The following CDH18 variants were observed in gnomAD, a reference collection of about 807,000 sequenced individuals.
CDH18 encodes the protein cadherin 18, also known as cadherin-18.
CDH18 carries 31 observed loss-of-function variants against 67.9 expected under a neutral mutation model. The observed-to-expected ratio is 0.46, with a 90% CI of 0.34 to 0.62. The LOEUF (loss-of-function observed/expected upper bound fraction) is 0.62, where lower values mean the gene tolerates loss of function less well. Among genes scored for constraint, CDH18 ranks in the 20% least tolerant of loss-of-function variants. The probability of loss-of-function intolerance (pLI) is 0.01; values close to 1 mark genes in which losing one functional copy is unlikely to be tolerated. For synonymous variants in CDH18, 362 were observed against 347.2 expected (o/e 1.04, Z -0.48); for missense variants, 890 against 975.5 (o/e 0.91, Z 1.17).
intron 2 of CDH18, among the ~76,000 whole-genome samples, chr5:19,861,633 A>G (rs1386240357): frequency 1.3e-5 from 2 of 152,082 alleles, no homozygotes; most frequent in Non-Finnish European, 2.9e-5. Flanking sequence ...AGATAATGAG[A>G]AGGGTCAGAT....
At chr5:20,347,303 C>G (rs186671730) in intron 1 of CDH18, among the ~76,000 whole-genome samples, 1 of 152,274 alleles carries the variant, frequency 6.6e-6, no homozygotes, top group Admixed American at 6.5e-5. Context: ...CCGAGGCCTG[C>G]TAGACCACCC....
At position 19,994,732 on chromosome 5, in the gene CDH18, TATATATAGAGAGAGAGAG is replaced by T. The variant is rs1237649074; in HGVS notation, c.-517-2736_-517-2719del. Among the ~76,000 whole-genome samples, 35 of 12,506 alleles carry T rather than the reference TATATATAGAGAGAGAGAG, an allele frequency of 2.8e-3. 1 individual carries two copies. The highest frequency in any genetic ancestry group is 4.7e-3 in the African/African-American group (14 of 2,956). The allele number at this position is 12,506 out of a possible 152,430, so 8.2% of individuals were successfully genotyped here. On this transcript the variant is annotated intron_variant, in intron 2 of 14. Coordinates refer to the CDH18 transcript ENST00000507958. ...ATATATATATATATATATATATATA[TATATATAGAGAGAGAGAG>T]AGAGAGAGAGAGAGAGAGAGAGAGA...
intron 2 of CDH18, among the ~76,000 whole-genome samples, chr5:20,189,036 C>G (rs1221917241): frequency 6.6e-6 from 1 of 151,930 alleles, no homozygotes; most frequent in Admixed American, 6.6e-5. Flanking sequence ...ATGGCAATCC[C>G]CCAGATTAAT....
chr5:20,284,634 A>G (rs1746544678), intron 1 of CDH18, among the ~76,000 whole-genome samples: 3 of 151,922 alleles, frequency 2.0e-5, no homozygotes, highest in African/African-American at 7.2e-5. Flanking sequence ...CCTGCACCTA[A>G]AACACTTAGT....
At chr5:19,803,301 C>T (rs186422397) in intron 3 of CDH18, among the ~76,000 whole-genome samples, 21 of 152,310 alleles carry the variant, frequency 1.4e-4, no homozygotes, top group African/African-American at 5.1e-4. Flanking sequence ...GTGACCTTTA[C>T]AGACTCATCG....
In CDH18 at chr5:20,428,082, C is replaced by T. The variant is rs116362597; in HGVS notation, c.-580+147380G>A. ...CGTGCATTAGGTACTTGTCCTAATGCTCTCCCTCTCCTTTTCCCCCACCCA... is the reference window on the plus strand; with the variant it reads ...CGTGCATTAGGTACTTGTCCTAATGTTCTCCCTCTCCTTTTCCCCCACCCA... On this transcript the variant is annotated intron_variant, in intron 1 of 14. Transcript: ENST00000507958. Among the ~76,000 whole-genome samples the T allele has an allele frequency of 7.6e-3, 1,141 of 150,898 alleles. 89 individuals are homozygous for T. Among genetic ancestry groups the T allele is most frequent in the African/African-American group, 0.027 (1,079 of 40,308 alleles).
At chr5:19,556,282 A>C (rs1358340143) in intron 8 of CDH18, among the ~76,000 whole-genome samples, 1 of 152,202 alleles carries the variant, frequency 6.6e-6, no homozygotes, top group Non-Finnish European at 1.5e-5. Flanking sequence ...AAATCTCTGA[A>C]TTGCCAGAAA....
chr5:19,613,164 A>G (rs2150113844), intron 5 of CDH18, among the ~76,000 whole-genome samples: 1 of 151,974 alleles, frequency 6.6e-6, no homozygotes, highest in Non-Finnish European at 1.5e-5. Flanking sequence ...TAATAATAAT[A>G]AGTACATGGT....
chr5:20,399,471 A>T (rs1036842939), intron 1 of CDH18, among the ~76,000 whole-genome samples: 4 of 152,172 alleles, frequency 2.6e-5, no homozygotes, highest in Non-Finnish European at 5.9e-5. Context: ...CAGACACACT[A>T]CTTTTAGGAG....
intron 3 of CDH18, among the ~76,000 whole-genome samples, chr5:19,834,486 C>A (rs910330254): frequency 1.3e-5 from 2 of 151,708 alleles, no homozygotes; most frequent in Non-Finnish European, 2.9e-5. Flanking sequence ...CTCCTGGATT[C>A]ACTGATTTTT....
At chr5:19,509,339 A>G (rs187071560) in intron 10 of CDH18, among the ~76,000 whole-genome samples, 1 of 152,258 alleles carries the variant, frequency 6.6e-6, no homozygotes, top group Admixed American at 6.6e-5. Context: ...CCTGTTGGGC[A>G]CAATGTTCAC....
At chr5:19,807,785 A>T (rs1778187144) in intron 3 of CDH18, among the ~76,000 whole-genome samples, 1 of 152,156 alleles carries the variant, frequency 6.6e-6, no homozygotes, top group Non-Finnish European at 1.5e-5. Context: ...TTCTTCCCTC[A>T]TCCTCCATCT....
chr5:20,195,153 C>T (rs1477430603), intron 2 of CDH18, among the ~76,000 whole-genome samples: 1 of 151,972 alleles, frequency 6.6e-6, no homozygotes, highest in Non-Finnish European at 1.5e-5. Flanking sequence ...TGTGTGTACC[C>T]AATTATCATC....
intron 5 of CDH18, among the ~76,000 whole-genome samples, chr5:19,637,014 A>C (rs1352628410): frequency 6.6e-6 from 1 of 152,180 alleles, no homozygotes; most frequent in African/African-American, 2.4e-5. Flanking sequence ...AATTGAATCC[A>C]AACTATCTGT....
At chr5:20,012,680 G>C (rs561979867) in intron 2 of CDH18, among the ~76,000 whole-genome samples, 1 of 151,986 alleles carries the variant, frequency 6.6e-6, no homozygotes, top group Non-Finnish European at 1.5e-5. Flanking sequence ...TAGACTGGAT[G>C]AAGAAAATGT....
intron 1 of CDH18, among the ~76,000 whole-genome samples, chr5:20,468,456 ATGT>A (rs1751821659): frequency 6.6e-6 from 1 of 152,158 alleles, no homozygotes; most frequent in Non-Finnish European, 1.5e-5. Flanking sequence ...GTATATCATG[ATGT>A]TTTCTTTCTC....
intron 1 of CDH18, among the ~76,000 whole-genome samples, chr5:20,419,184 A>C (rs865958367): frequency 3.3e-5 from 5 of 152,042 alleles, no homozygotes; most frequent in African/African-American, 7.2e-5. Context: ...TTTGCTTCTC[A>C]ATTTTTTTCT....
chr5:20,285,900 G>C (rs1052611684), intron 1 of CDH18, among the ~76,000 whole-genome samples: 2 of 151,450 alleles, frequency 1.3e-5, no homozygotes, highest in South Asian at 2.1e-4. Context: ...TCTGTATGTA[G>C]GTTAAATTTA....
intron 7 of CDH18, among the ~76,000 whole-genome samples, chr5:19,580,347 A>G (rs369320240): frequency 9.2e-5 from 14 of 152,036 alleles, no homozygotes; most frequent in African/African-American, 3.4e-4. Flanking sequence ...AGGCAAACCT[A>G]TATCATTAAC....
Sources: allele counts gnomAD v4.1 joint callset (sites outside exome capture counted in the v4.1 genomes callset), GRCh38; gene constraint gnomAD v4.1.1; transcripts MANE v1.5; gene names NCBI Gene and HGNC (gene_info 2026-07-23, HGNC 2026-07-21).